The following GRIK4 variants were observed in gnomAD, a reference collection of about 807,000 sequenced individuals.
GRIK4 encodes the protein glutamate ionotropic receptor kainate type subunit 4.
A neutral mutation model predicts 104.9 loss-of-function variants in GRIK4; 40 were observed. The ratio of observed to expected loss-of-function variants is 0.38; its 90% CI spans 0.30 to 0.50. GRIK4 has a LOEUF of 0.50. Ranked by LOEUF, GRIK4 falls within the 20% of genes least tolerant of loss-of-function variation. GRIK4 has a pLI of 0.93. For synonymous variants in GRIK4, 485 were observed against 524.9 expected, an observed-to-expected ratio of 0.92 and a Z score of 1.04; for missense variants, 1,047 against 1,308.1, an observed-to-expected ratio of 0.80 and a Z score of 3.08.
chr11:120,738,224 G>A (rs1397691929), intron 3 of GRIK4, among the ~76,000 whole-genome samples: 2 of 152,242 alleles, frequency 1.3e-5, no homozygotes, highest in South Asian at 2.1e-4. Flanking sequence ...AATGCTGCTT[G>A]CAGACTAGAG....
At chr11:120,943,176 C>T (rs1225567429) in intron 14 of GRIK4, among the ~76,000 whole-genome samples, 2 of 137,294 alleles carry the variant, frequency 1.5e-5, no homozygotes, top group African/African-American at 5.2e-5. Flanking sequence ...GGTGAGGATT[C>T]CTCTCCTCTT....
chr11:120,782,581 G>A (rs757023998), intron 3 of GRIK4, among the ~76,000 whole-genome samples: 2 of 152,180 alleles, frequency 1.3e-5, no homozygotes, highest in Non-Finnish European at 2.9e-5. Context: ...CACCGCGCCT[G>A]GCCGCCAGTA....
chr11:120,899,053 C>T lies in GRIK4; in HGVS notation c.1272+414C>T, dbSNP rs866052512. On this transcript the variant is annotated intron_variant, in intron 12 of 20. Coordinates refer to ENST00000527524, the MANE Select transcript of GRIK4 (RefSeq NM_014619.5). Reference sequence around the variant, plus strand: ...CTCCCCCACCACATCCTGAAGCGGACATGGGAATGTCAGTGGGTTTACATG... The same window carrying T: ...CTCCCCCACCACATCCTGAAGCGGATATGGGAATGTCAGTGGGTTTACATG... 1.8e-4 allele frequency among the ~76,000 whole-genome samples: 27 copies of T among 152,298 alleles called. 1 individual carries two copies. The highest frequency in any genetic ancestry group is 6.8e-3 in the Middle Eastern group (2 of 294).
At chr11:120,602,939 A>T (rs182076578) in intron 1 of GRIK4, among the ~76,000 whole-genome samples, 1 of 152,270 alleles carries the variant, frequency 6.6e-6, no homozygotes, top group African/African-American at 2.4e-5. Context: ...CTGGCCTCAA[A>T]CAGTCTTCCT....
At chr11:120,920,211 C>T (rs535578815) in intron 13 of GRIK4, among the ~76,000 whole-genome samples, 1 of 152,268 alleles carries the variant, frequency 6.6e-6, no homozygotes, top group Admixed American at 6.5e-5. Context: ...TAGTACCCAC[C>T]CCTGGATTAC....
At chr11:120,829,535 G>A (rs1242692970) in intron 6 of GRIK4, among the ~76,000 whole-genome samples, 1 of 152,142 alleles carries the variant, frequency 6.6e-6, no homozygotes, top group East Asian at 1.9e-4. Context: ...ACAATGCCTG[G>A]CACTCAGGAC....
chr11:120,961,242 T>C (rs1297439179), intron 17 of GRIK4, among the ~76,000 whole-genome samples, 168 bp downstream of exon 17: 1 of 152,206 alleles, frequency 6.6e-6, no homozygotes, highest in Non-Finnish European at 1.5e-5. Flanking sequence ...AAAATACTCC[T>C]GGAATGAGGT....
At chr11:120,985,175 A>C (rs1944720071) in intron 20 of GRIK4, among the ~76,000 whole-genome samples, 1 of 152,146 alleles carries the variant, frequency 6.6e-6, no homozygotes, top group Non-Finnish European at 1.5e-5. Flanking sequence ...AAAAGCTTGG[A>C]GAGTTCCAAG....
chr11:120,876,237 TACC>T (rs1159760105), intron 11 of GRIK4, among the ~76,000 whole-genome samples: 15 of 104,678 alleles, frequency 1.4e-4, no homozygotes, highest in African/African-American at 4.1e-4. Context: ...CCACGATTAC[TACC>T]ACCACCACCA....
intron 2 of GRIK4, among the ~76,000 whole-genome samples, chr11:120,660,065 C>T (rs543453188): frequency 7.2e-5 from 11 of 152,328 alleles, no homozygotes; most frequent in South Asian, 4.1e-4. Flanking sequence ...TCTAATGACA[C>T]GCCATGAATC....
chr11:120,902,790 C>A lies in GRIK4; in HGVS notation c.1273-2500C>A, dbSNP rs149325637. Among the ~76,000 whole-genome samples, 8 of 152,260 alleles carry A rather than the reference C, an allele frequency of 5.3e-5. No homozygotes were observed. The highest frequency in any genetic ancestry group is 4.1e-4 in the South Asian group (2 of 4,824). ...AGTGTGACTCTGCGGACAAAGATGA[C>A]TAGGTGAGGTGGAAGATGGGGGAGT... is the stretch of plus-strand genomic sequence containing the variant. On this transcript the variant is annotated intron_variant, in intron 12 of 20. Coordinates refer to ENST00000527524, the MANE Select transcript of GRIK4 (RefSeq NM_014619.5). This position sits in a 1 kb window ranked among gnomAD's most constrained non-coding sequence, Gnocchi z 4.5.
At chr11:120,718,551 G>GC (rs1029849210) in intron 3 of GRIK4, among the ~76,000 whole-genome samples, 9 of 152,214 alleles carry the variant, frequency 5.9e-5, no homozygotes, top group Non-Finnish European at 1.3e-4. Flanking sequence ...ACCTCCAGCC[G>GC]CAAGTACAGC....
chr11:120,961,148 T>C (rs1944279653), intron 17 of GRIK4, 74 bp downstream of exon 17: 1 of 1,319,062 alleles, frequency 7.6e-7, no homozygotes. Context: ...CTGCTGGAGA[T>C]AAAAACATCT....
intron 13 of GRIK4, chr11:120,936,256 G>A (rs936954415): frequency 1.2e-5 from 6 of 497,640 alleles, no homozygotes; most frequent in African/African-American, 1.2e-4. Flanking sequence ...CTGCCGCCGT[G>A]TTAGTCCACA....
At chr11:120,951,025 G>A (rs536268104) in intron 14 of GRIK4, among the ~76,000 whole-genome samples, 7 of 152,288 alleles carry the variant, frequency 4.6e-5, no homozygotes, top group South Asian at 4.1e-4. Context: ...GGGCAGTTCC[G>A]TGGTCTGAGC....
chr11:120,931,736 A>G (rs558259178), intron 13 of GRIK4, among the ~76,000 whole-genome samples: 17 of 152,218 alleles, frequency 1.1e-4, no homozygotes, highest in Non-Finnish European at 2.2e-4. Flanking sequence ...TGCCTGATAC[A>G]TAGGAAGAGA....
chr11:120,625,944 G>A (rs1949253706), intron 1 of GRIK4, among the ~76,000 whole-genome samples: 2 of 152,172 alleles, frequency 1.3e-5, no homozygotes, highest in African/African-American at 4.8e-5. Flanking sequence ...TCTGATAAGG[G>A]ACCTGACCAA....
At chr11:120,746,797 C>G (rs1336303536) in intron 3 of GRIK4, among the ~76,000 whole-genome samples, 2 of 152,172 alleles carry the variant, frequency 1.3e-5, no homozygotes, top group African/African-American at 4.8e-5. Context: ...CCCATCTTTT[C>G]TAAGCACGTC....
At chr11:120,657,510 A>C (rs1053283393) in intron 2 of GRIK4, among the ~76,000 whole-genome samples, 1 of 152,150 alleles carries the variant, frequency 6.6e-6, no homozygotes, top group Non-Finnish European at 1.5e-5. Flanking sequence ...TGTGCTGTGC[A>C]CCTATTATGT....
Sources: allele counts gnomAD v4.1 joint callset (sites outside exome capture counted in the v4.1 genomes callset), GRCh38; gene constraint gnomAD v4.1.1; non-coding constraint Gnocchi (gnomAD v3.1); transcripts MANE v1.5; gene names NCBI Gene and HGNC (gene_info 2026-07-23, HGNC 2026-07-21).